The following RBPMS variants were observed in gnomAD, a reference collection of about 807,000 sequenced individuals.
RBPMS encodes the protein RNA-binding protein with multiple splicing.
RBPMS carries 7 observed loss-of-function variants against 26.8 expected under a neutral mutation model. The observed-to-expected ratio is 0.26, with a 90% CI of 0.15 to 0.49. RBPMS has a LOEUF of 0.49. Among genes scored for constraint, RBPMS ranks in the 20% least tolerant of loss-of-function variants. The probability of loss-of-function intolerance (pLI) is 0.98; values close to 1 mark genes in which losing one functional copy is unlikely to be tolerated. For synonymous variants in RBPMS, 96 were observed against 93.3 expected (o/e 1.03, Z -0.17); for missense variants, 186 against 250.0 (o/e 0.74, Z 1.73).
At chr8:30,419,449 A>AGTGTGT (rs1810480700) in intron 1 of RBPMS, among the ~76,000 whole-genome samples, 1 of 41,662 alleles carries the variant, frequency 2.4e-5, no homozygotes, top group Non-Finnish European at 4.6e-5. Flanking sequence ...GCATCTCAAA[A>AGTGTGT]ATGTGTGTGT....
intron 1 of RBPMS, among the ~76,000 whole-genome samples, chr8:30,460,449 G>A (rs199670241): frequency 1.3e-5 from 2 of 152,184 alleles, no homozygotes; most frequent in Non-Finnish European, 2.9e-5. Context: ...GTTCTTAGTA[G>A]AGAGCTCACC....
chr8:30,483,815 C>T (rs1017852842), intron 4 of RBPMS, among the ~76,000 whole-genome samples: 3 of 152,008 alleles, frequency 2.0e-5, no homozygotes, highest in South Asian at 2.1e-4. Flanking sequence ...TTGCTTTCTC[C>T]GTGAATTTGC....
intron 1 of RBPMS, among the ~76,000 whole-genome samples, chr8:30,430,449 T>G (rs894616777): frequency 6.6e-6 from 1 of 152,230 alleles, no homozygotes. Context: ...CTGTATTTTT[T>G]GGTACATTTT....
chr8:30,506,376 G>A (rs1364063974), intron 5 of RBPMS, among the ~76,000 whole-genome samples: 2 of 150,348 alleles, frequency 1.3e-5, no homozygotes, highest in Admixed American at 6.6e-5. Context: ...AGCCAGCAGT[G>A]TATTCTTGAG....
intron 4 of RBPMS, among the ~76,000 whole-genome samples, chr8:30,488,176 CT>C (rs1325390677): frequency 6.6e-6 from 1 of 151,914 alleles, no homozygotes; most frequent in Non-Finnish European, 1.5e-5. Context: ...ACACAGAGTA[CT>C]TAAAGAGTTA....
intron 5 of RBPMS, among the ~76,000 whole-genome samples, chr8:30,528,842 G>A (rs550265818): frequency 4.6e-5 from 7 of 152,034 alleles, no homozygotes; most frequent in Non-Finnish European, 8.8e-5. Context: ...TTTTAGCAGC[G>A]TTATTGAGCT....
chr8:30,446,512 G>T (rs1236448805), intron 1 of RBPMS, among the ~76,000 whole-genome samples: 2 of 152,202 alleles, frequency 1.3e-5, no homozygotes, highest in Non-Finnish European at 2.9e-5. Flanking sequence ...GCGTGTATGT[G>T]TGTGCATGCA....
At position 30,493,139 on chromosome 8, in the gene RBPMS, G is replaced by A. The variant is rs115037678; in HGVS notation, c.247-11147G>A. Among the ~76,000 whole-genome samples, 1,079 of 152,264 alleles carry A rather than the reference G, an allele frequency of 7.1e-3. 12 individuals carry two copies. Among genetic ancestry groups the A allele is most frequent in the African/African-American group, 0.024 (1,014 of 41,544 alleles). On this transcript the variant is annotated intron_variant, in intron 4 of 8. Transcript: ENST00000397323. ...ACTTGACAGTGACCGACATCAGACT[G>A]GAATGTCTTGGGCCAACATTAAGCC...
At chr8:30,434,426 G>A (rs577952026) in intron 1 of RBPMS, among the ~76,000 whole-genome samples, 1 of 152,192 alleles carries the variant, frequency 6.6e-6, no homozygotes, top group South Asian at 2.1e-4. Context: ...ACAGCAAGCC[G>A]GGCACAGTGG....
intron 5 of RBPMS, among the ~76,000 whole-genome samples, chr8:30,506,437 C>T (rs1821078682): frequency 6.6e-6 from 1 of 151,748 alleles, no homozygotes; most frequent in Non-Finnish European, 1.5e-5. Flanking sequence ...TTTTACGACA[C>T]AGCATCTTGA....
At chr8:30,569,511 C>T (rs576387398) in intron 8 of RBPMS, among the ~76,000 whole-genome samples, 3 of 152,250 alleles carry the variant, frequency 2.0e-5, no homozygotes, top group South Asian at 4.1e-4. Context: ...AGAACAGGCA[C>T]GGCACGCTCT....
At chr8:30,496,402 T>TCA (rs1237533585) in intron 4 of RBPMS, among the ~76,000 whole-genome samples, 1 of 152,106 alleles carries the variant, frequency 6.6e-6, no homozygotes, top group Non-Finnish European at 1.5e-5. Flanking sequence ...TCTCCCAACC[T>TCA]CGTGATCTGC....
At position 30,489,490 on chromosome 8, in the gene RBPMS, C is replaced by G. The variant is rs192700395; in HGVS notation, c.246+10113C>G. On this transcript the variant is annotated intron_variant, in intron 4 of 8. Coordinates refer to ENST00000397323, the MANE Select transcript of RBPMS (RefSeq NM_001008710.3). ...TTCTTTTTTTCGAGACAGTCTCGCT[C>G]TGTCGCCCAGGCTGGAGTGCAGTGG... 5.2e-3 allele frequency among the ~76,000 whole-genome samples: 794 copies of G among 152,288 alleles called. 32 individuals carry two copies. Among genetic ancestry groups the G allele is most frequent in the Admixed American group, 0.048 (734 of 15,296 alleles).
At position 30,433,834 on chromosome 8, in the gene RBPMS, C is replaced by T. The variant is rs117181019; in HGVS notation, c.67-40945C>T. On this transcript the variant is annotated intron_variant, in intron 1 of 8. Coordinates refer to ENST00000397323, the MANE Select transcript of RBPMS (RefSeq NM_001008710.3). Reference sequence around the variant, plus strand: ...TAATTTGACCTGGAACTTCCATGTCCTGATTCTTAGATCTTGCATGATTAT... The same window carrying T: ...TAATTTGACCTGGAACTTCCATGTCTTGATTCTTAGATCTTGCATGATTAT... Among the ~76,000 whole-genome samples the T allele has an allele frequency of 2.3e-4, 35 of 152,194 alleles. No individual in the cohort carries two copies. The East Asian group carries it at 5.2e-3, about 23-fold the overall frequency.
rs1488502845 is a variant in RBPMS, at chr8:30,464,136, A to G, written c.67-10643A>G. 2.6e-5 allele frequency among the ~76,000 whole-genome samples: 4 copies of G among 152,224 alleles called. No homozygotes were observed. In the East Asian group the frequency reaches 7.7e-4, roughly 29 times the overall value. ...TGCCAGTGCAACCCGTTTCTTTAAAATAAAAAAAGTTATAATGACTTTCTT... is the reference window on the plus strand; with the variant it reads ...TGCCAGTGCAACCCGTTTCTTTAAAGTAAAAAAAGTTATAATGACTTTCTT... On this transcript the variant is annotated intron_variant, in intron 1 of 8. Coordinates refer to ENST00000397323, the MANE Select transcript of RBPMS (RefSeq NM_001008710.3).
chr8:30,542,420 A>G (rs962293116), intron 5 of RBPMS, among the ~76,000 whole-genome samples: 1 of 152,198 alleles, frequency 6.6e-6, no homozygotes, highest in Non-Finnish European at 1.5e-5. Flanking sequence ...TTCATTTTTA[A>G]AAGTTTCTAA....
At chr8:30,462,102 G>A (rs1410829828) in intron 1 of RBPMS, among the ~76,000 whole-genome samples, 1 of 152,136 alleles carries the variant, frequency 6.6e-6, no homozygotes, top group East Asian at 1.9e-4. Context: ...GTTTTTGTGT[G>A]AACATGAGTT....
intron 5 of RBPMS, among the ~76,000 whole-genome samples, chr8:30,544,264 T>G (rs1825683067): frequency 6.6e-6 from 1 of 152,238 alleles, no homozygotes; most frequent in African/African-American, 2.4e-5. Context: ...GCCTGAGATC[T>G]CAGCAGGCCA....
chr8:30,568,660 C>A (rs926660108), intron 8 of RBPMS, among the ~76,000 whole-genome samples: 1 of 152,202 alleles, frequency 6.6e-6, no homozygotes, highest in Non-Finnish European at 1.5e-5. Context: ...GAACCTGCTC[C>A]TAATCAGAGC....
Sources: gnomAD v4.1 joint callset for allele counts (sites outside exome capture counted in the v4.1 genomes callset) on GRCh38, gnomAD v4.1.1 for gene constraint, MANE v1.5 for transcripts, NCBI Gene and HGNC (gene_info 2026-07-23, HGNC 2026-07-21) for gene names.